GABRB1: variants seen among roughly 807,000 people sequenced by gnomAD.
GABRB1 encodes gamma-aminobutyric acid type A receptor subunit beta1, also known as gamma-aminobutyric acid receptor subunit beta-1.
Under a neutral mutation model 51.6 loss-of-function variants are expected in GABRB1, and 17 were observed. The observed-to-expected ratio is 0.33, with a 90% CI of 0.23 to 0.49. The LOEUF (loss-of-function observed/expected upper bound fraction) is 0.49. GABRB1 is among the 20% of genes least tolerant of loss of function. GABRB1 has a pLI of 0.99. For synonymous variants in GABRB1, 247 were observed against 218.9 expected (o/e 1.13, Z -1.14); for missense variants, 410 against 600.6 (o/e 0.68, Z 3.32).
chr4:47,114,108 A>G (rs1048003822), intron 3 of GABRB1, among the ~76,000 whole-genome samples: 6 of 152,242 alleles, frequency 3.9e-5, no homozygotes, highest in Non-Finnish European at 8.8e-5. Context: ...ACTCTACCAC[A>G]TCCCACCAGA....
exon 1 of GABRB1, chr4:46,993,827 A>G (rs778795955): frequency 8.4e-5 from 18 of 214,280 alleles, no homozygotes; most frequent in Non-Finnish European, 1.3e-4. Flanking sequence ...CCCGACCCCA[A>G]GTGGGCTCCC....
At chr4:47,241,692 T>C (rs1355716523) in intron 4 of GABRB1, among the ~76,000 whole-genome samples, 1 of 152,160 alleles carries the variant, frequency 6.6e-6, no homozygotes, top group Non-Finnish European at 1.5e-5. Context: ...CCTCCAACTC[T>C]CACCTTTTCA....
At chr4:47,228,758 A>G (rs2109833104) in intron 4 of GABRB1, among the ~76,000 whole-genome samples, 1 of 152,232 alleles carries the variant, frequency 6.6e-6, no homozygotes, top group Middle Eastern at 3.4e-3. Flanking sequence ...GAGCTCTCAG[A>G]GTTGTTTGTA....
At position 47,053,436 on chromosome 4, in the gene GABRB1, G is replaced by A. The variant is rs565744676; in HGVS notation, c.240+20952G>A. Among the ~76,000 whole-genome samples the A allele has an allele frequency of 6.6e-5, 10 of 152,246 alleles. No individual in the cohort carries two copies. The South Asian group carries it at 2.1e-3, about 32-fold the overall frequency. On this transcript the variant is annotated intron_variant, in intron 3 of 8. Coordinates refer to ENST00000295454, the MANE Select transcript of GABRB1 (RefSeq NM_000812.4). ...TCAGGGACCCAAGAGAGGTACCTTA[G>A]ATGTATCTGTATGCATATATATGAC...
At chr4:47,208,234 A>G (rs574017061) in intron 4 of GABRB1, among the ~76,000 whole-genome samples, 2 of 152,180 alleles carry the variant, frequency 1.3e-5, no homozygotes, top group South Asian at 4.1e-4. Context: ...TAAACCAGAT[A>G]CAAAAGGATA....
At chr4:47,059,821 C>T (rs948835380) in intron 3 of GABRB1, among the ~76,000 whole-genome samples, 2 of 152,148 alleles carry the variant, frequency 1.3e-5, no homozygotes, top group Non-Finnish European at 2.9e-5. Context: ...ACCTCTAGCC[C>T]TGACACATCC....
intron 5 of GABRB1, among the ~76,000 whole-genome samples, chr4:47,332,576 T>A (rs921583257): frequency 3.9e-5 from 6 of 152,184 alleles, no homozygotes; most frequent in Non-Finnish European, 7.4e-5. Flanking sequence ...AGGGAGCTTT[T>A]AAAAACTATT....
chr4:47,311,411 CA>C (rs71276540), intron 4 of GABRB1, among the ~76,000 whole-genome samples: 299 of 46,362 alleles, frequency 6.4e-3, no homozygotes, highest in African/African-American at 0.01. Context: ...GACTCTGTCT[CA>C]AAAAAAAAAA....
chr4:47,287,672 A>G (rs141269310), intron 4 of GABRB1, among the ~76,000 whole-genome samples: 2 of 152,304 alleles, frequency 1.3e-5, no homozygotes, highest in East Asian at 3.9e-4. Context: ...CTTACTTCAT[A>G]TGGATAGCAT....
chr4:47,306,737 TC>T (rs1425922080), intron 4 of GABRB1, among the ~76,000 whole-genome samples: 1 of 152,198 alleles, frequency 6.6e-6, no homozygotes, highest in Non-Finnish European at 1.5e-5. Context: ...AAGCATCTCT[TC>T]TTTTTTTTGT....
chr4:47,031,755 G>A, intron 1 of GABRB1, 24 bp downstream of exon 1: 1 of 483,832 alleles, frequency 2.1e-6, no homozygotes, highest in Non-Finnish European at 3.0e-6. Context: ...GTTGAATCTC[G>A]CTCTCTCTCT....
chr4:47,020,404 TC>T (rs1451757401), intron 1 of GABRB1, among the ~76,000 whole-genome samples: 2 of 152,124 alleles, frequency 1.3e-5, no homozygotes, highest in African/African-American at 4.8e-5. Flanking sequence ...CAAGGCCTCT[TC>T]CTTGACATGG....
intron 5 of GABRB1, among the ~76,000 whole-genome samples, chr4:47,340,574 T>A (rs1725849171): frequency 6.6e-6 from 1 of 152,130 alleles, no homozygotes; most frequent in South Asian, 2.1e-4. Flanking sequence ...CTCTCTCACA[T>A]GGCAGAAGGG....
intron 8 of GABRB1, among the ~76,000 whole-genome samples, chr4:47,417,050 C>T (rs1033963075): frequency 5.9e-5 from 9 of 152,084 alleles, no homozygotes; most frequent in Admixed American, 3.9e-4. Context: ...GGAAAAGAAA[C>T]GAATCCAGGA....
rs56896606 is a variant in GABRB1, at chr4:47,400,526, G to GTCTC, written c.545-2767_545-2764dup. Among the ~76,000 whole-genome samples the GTCTC allele has an allele frequency of 4.8e-3, 570 of 117,930 alleles. 1 individual carries two copies. Among genetic ancestry groups the GTCTC allele is most frequent in the East Asian group, 0.014 (70 of 4,908 alleles). 77.4% of individuals were successfully genotyped at this position (117,930 alleles called of 152,430 possible). The stretch of plus-strand genomic sequence containing the variant: ...CAGCCTGTTGATGCACCAGGAGGTA[G>GTCTC]TCTCTCTCTCTCTCTCTCTCTCTCT... On this transcript the variant is annotated intron_variant, in intron 5 of 8. Transcript: ENST00000295454.
chr4:47,246,250 C>T (rs1721732945), intron 4 of GABRB1, among the ~76,000 whole-genome samples: 1 of 134,676 alleles, frequency 7.4e-6, no homozygotes, highest in African/African-American at 2.7e-5. Flanking sequence ...TTAATTCATT[C>T]CTTCTCAGGG....
At chr4:47,083,905 G>C (rs1727957516) in intron 3 of GABRB1, among the ~76,000 whole-genome samples, 1 of 152,026 alleles carries the variant, frequency 6.6e-6, no homozygotes, top group Non-Finnish European at 1.5e-5. Context: ...ACCTGCTTTA[G>C]GCTCCCAGCT....
intron 2 of GABRB1, 128 bp downstream of exon 2, chr4:47,032,133 C>CACAT: frequency 3.2e-6 from 2 of 632,432 alleles, no homozygotes; most frequent in Non-Finnish European, 5.4e-6. Context: ...CCTGGGCACA[C>CACAT]ACACACACAC....
chr4:47,362,536 C>A (rs1448565678), intron 5 of GABRB1, among the ~76,000 whole-genome samples: 1 of 152,116 alleles, frequency 6.6e-6, no homozygotes, highest in Non-Finnish European at 1.5e-5. Flanking sequence ...TGTAATCCAT[C>A]ATAAATTTTA....
Sources: allele counts gnomAD v4.1 joint callset (sites outside exome capture counted in the v4.1 genomes callset), GRCh38; gene constraint gnomAD v4.1.1; transcripts MANE v1.5; gene names NCBI Gene and HGNC (gene_info 2026-07-23, HGNC 2026-07-21).